AZIN2: variants seen among roughly 807,000 people sequenced by gnomAD.
The protein encoded by AZIN2 is ODC antizyme inhibitor-2.
AZIN2 carries 28 observed loss-of-function variants against 47.8 expected under a neutral mutation model. That is an observed-to-expected ratio of 0.59 (90% CI 0.43 to 0.80). The LOEUF (loss-of-function observed/expected upper bound fraction) is 0.80. AZIN2 is among the 30% of genes least tolerant of loss of function. The probability of loss-of-function intolerance (pLI) is 0.00; values close to 1 mark genes in which losing one functional copy is unlikely to be tolerated. For synonymous variants in AZIN2, 221 were observed against 239.4 expected, an observed-to-expected ratio of 0.92 and a Z score of 0.71; for missense variants, 535 against 582.5, an observed-to-expected ratio of 0.92 and a Z score of 0.84.
the AZIN2 span, chr1:33,146,999 G>C: frequency 4.7e-6 from 3 of 638,564 alleles, no homozygotes; most frequent in Admixed American, 5.9e-5. Flanking sequence ...GATGCTGGAA[G>C]AGAGTTTAGG....
chr1:33,093,731 CTTTT>C (rs776963959), intron 7 of AZIN2, among the ~76,000 whole-genome samples: 3 of 134,652 alleles, frequency 2.2e-5, no homozygotes, highest in African/African-American at 5.6e-5. Flanking sequence ...TTCTTTCTTT[CTTTT>C]TTTTTTTTTT....
At chr1:33,102,834 A>T (rs1419103665) in intron 10 of AZIN2, among the ~76,000 whole-genome samples, 1 of 152,190 alleles carries the variant, frequency 6.6e-6, no homozygotes, top group East Asian at 1.9e-4. Flanking sequence ...TTTCACAGAC[A>T]TCTCAAGTTT....
intron 10 of AZIN2, among the ~76,000 whole-genome samples, chr1:33,115,288 C>T (rs1027506594): frequency 6.6e-6 from 1 of 152,156 alleles, no homozygotes; most frequent in East Asian, 1.9e-4. Flanking sequence ...TAGTGGCTGG[C>T]AGACTGGGCA....
rs550385182 is a variant in AZIN2, at chr1:33,101,182, A to T, written c.1029+3003A>T. Among the ~76,000 whole-genome samples, 4 of 151,670 alleles carry T rather than the reference A, an allele frequency of 2.6e-5. No individual in the cohort carries two copies. The South Asian group carries it at 8.3e-4, about 32-fold the overall frequency. ...CGGCACCATGTCTCTCTCTTAACCCATTGGTTTCCCCATACTCTTTTCTTC... is the reference window on the plus strand; with the variant it reads ...CGGCACCATGTCTCTCTCTTAACCCTTTGGTTTCCCCATACTCTTTTCTTC... On this transcript the variant is annotated intron_variant, in intron 10 of 11. Coordinates refer to ENST00000294517, the MANE Select transcript of AZIN2 (RefSeq NM_052998.4).
intron 5 of AZIN2, among the ~76,000 whole-genome samples, chr1:33,086,292 G>A (rs1014753016): frequency 3.0e-4 from 46 of 152,168 alleles, no homozygotes; most frequent in African/African-American, 1.1e-3. Flanking sequence ...GAGAGATGGA[G>A]GTTCCGCATC....
chr1:33,095,662 A>G (rs974665316), intron 8 of AZIN2, among the ~76,000 whole-genome samples: 2 of 152,096 alleles, frequency 1.3e-5, no homozygotes, highest in Non-Finnish European at 2.9e-5. Flanking sequence ...AGAGCTTAGG[A>G]GCACCGACCC....
chr1:33,165,563 C>T, the AZIN2 span: 4 of 1,605,828 alleles, frequency 2.5e-6, no homozygotes, highest in South Asian at 4.5e-5. This position sits in a 1 kb window ranked among gnomAD's most constrained non-coding sequence, Gnocchi z 4.0. Context: ...TCCTTCAGCT[C>T]CCTCTGAAAC....
At chr1:33,106,456 C>T (rs1230727197) in intron 10 of AZIN2, among the ~76,000 whole-genome samples, 1 of 152,030 alleles carries the variant, frequency 6.6e-6, no homozygotes, top group Non-Finnish European at 1.5e-5. Context: ...GCCAAATACA[C>T]CATAAGAAAA....
chr1:33,147,634 G>A, the AZIN2 span: 5 of 1,614,004 alleles, frequency 3.1e-6, no homozygotes, highest in South Asian at 4.4e-5. The surrounding 1 kb of genome is among the most constrained non-coding windows in gnomAD (Gnocchi z 8.1). Flanking sequence ...CAGTGGCTGT[G>A]GGTGCAAGTT....
intron 9 of AZIN2, among the ~76,000 whole-genome samples, chr1:33,097,814 C>G (rs905842848): frequency 3.9e-5 from 6 of 152,078 alleles, no homozygotes; most frequent in Admixed American, 1.3e-4. Flanking sequence ...GCTGGGGCAC[C>G]TAGGGGCTCA....
chr1:33,133,010 G>A, the AZIN2 span, among the ~76,000 whole-genome samples: 1 of 152,254 alleles, frequency 6.6e-6, no homozygotes, highest in East Asian at 1.9e-4. Flanking sequence ...GAAACCAGGA[G>A]TGCACTCCTT....
intron 4 of AZIN2, 147 bp downstream of exon 4, chr1:33,082,501 C>T: frequency 1.7e-6 from 1 of 603,966 alleles, no homozygotes; most frequent in Non-Finnish European, 2.8e-6. Context: ...TCAATTTATC[C>T]CCAATTCTTT....
At chr1:33,087,953 C>G (rs1642114011) in intron 5 of AZIN2, among the ~76,000 whole-genome samples, 1 of 152,276 alleles carries the variant, frequency 6.6e-6, no homozygotes, top group African/African-American at 2.4e-5. Context: ...GCATATTGCT[C>G]TCCATCCCTT....
intron 10 of AZIN2, among the ~76,000 whole-genome samples, chr1:33,115,644 A>G (rs1644505358): frequency 6.6e-6 from 1 of 152,182 alleles, no homozygotes; most frequent in African/African-American, 2.4e-5. Context: ...CAGAGGTTGC[A>G]GTGGGCTGAG....
chr1:33,110,354 A>G (rs1404173055), intron 10 of AZIN2, among the ~76,000 whole-genome samples: 2 of 152,230 alleles, frequency 1.3e-5, no homozygotes, highest in African/African-American at 2.4e-5. Flanking sequence ...GCTCACAGTC[A>G]AAAATCACAA....
the AZIN2 span, among the ~76,000 whole-genome samples, chr1:33,136,221 T>C: frequency 1.2e-4 from 18 of 149,232 alleles, no homozygotes; most frequent in Admixed American, 3.4e-4. Context: ...CTTCCTTCCC[T>C]CCTTTCTTTC....
At position 33,122,990 on chromosome 1, in the gene AZIN2, G is replaced by A. The variant is rs1374560649; in HGVS notation, c.*2808G>A. 1.3e-5 allele frequency among the ~76,000 whole-genome samples: 2 copies of A among 152,106 alleles called. No individual in the cohort carries two copies. The highest frequency in any genetic ancestry group is 2.9e-5 in the Non-Finnish European group (2 of 68,028). ...GAAATTTAAAGTCCTTGGCCAGCTG[G>A]CTCTCTGACTCCCACACTTCCCTCT... On this transcript the variant is annotated 3_prime_UTR_variant, in exon 12 of 12. Coordinates refer to ENST00000294517, the MANE Select transcript of AZIN2 (RefSeq NM_052998.4).
At chr1:33,137,627 A>T in the AZIN2 span, among the ~76,000 whole-genome samples, 1 of 152,116 alleles carries the variant, frequency 6.6e-6, no homozygotes. Flanking sequence ...CCAACATCAC[A>T]CTTAACCACA....
downstream of AZIN2, among the ~76,000 whole-genome samples, chr1:33,124,927 A>C (rs907922196): frequency 6.6e-6 from 1 of 152,186 alleles, no homozygotes; most frequent in African/African-American, 2.4e-5. The surrounding 1 kb of genome is among the most constrained non-coding windows in gnomAD (Gnocchi z 4.6). Flanking sequence ...TCATTGATGG[A>C]CATTTGGGTT....
Sources: allele counts gnomAD v4.1 joint callset (sites outside exome capture counted in the v4.1 genomes callset), GRCh38; gene constraint gnomAD v4.1.1; non-coding constraint Gnocchi (gnomAD v3.1); transcripts MANE v1.5; gene names NCBI Gene and HGNC (gene_info 2026-07-23, HGNC 2026-07-21).